TEAD1: variants seen among roughly 807,000 people sequenced by gnomAD.
The protein encoded by TEAD1 is TEA domain transcription factor 1.
In TEAD1, 9 loss-of-function variants were observed where a neutral mutation model predicts 54.9. The ratio of observed to expected loss-of-function variants is 0.16; its 90% CI spans 0.10 to 0.29. The LOEUF (loss-of-function observed/expected upper bound fraction) is 0.29, where lower values mean the gene tolerates loss of function less well. Among genes scored for constraint, TEAD1 ranks in the 10% least tolerant of loss-of-function variants. The pLI, the probability that TEAD1 is intolerant of heterozygous loss-of-function variation, is 1.00. For synonymous variants in TEAD1, 200 were observed against 187.8 expected (o/e 1.07, Z -0.53); for missense variants, 387 against 535.9 (o/e 0.72, Z 2.74).
intron 3 of TEAD1, among the ~76,000 whole-genome samples, chr11:12,784,868 C>A (rs1211697170): frequency 6.6e-6 from 1 of 152,194 alleles, no homozygotes; most frequent in Non-Finnish European, 1.5e-5. Context: ...AGGCTTTAGC[C>A]ACCCATGTTA....
rs77351070 is a variant in TEAD1, at chr11:12,752,731, A to C, written c.-54-11448A>C. Among the ~76,000 whole-genome samples the C allele has an allele frequency of 1.2e-3, 188 of 152,304 alleles. 3 individuals are homozygous for C. The East Asian group carries it at 0.031, about 25-fold the overall frequency. ...GAGCTCATGAGATACAAGTAGTGTG[A>C]CTGAACAACTGAATTTTTAATCTTA... On this transcript the variant is annotated intron_variant, in intron 2 of 12. Transcript: ENST00000527636.
intron 4 of TEAD1, among the ~76,000 whole-genome samples, chr11:12,862,961 T>G (rs960648078): frequency 4.0e-5 from 6 of 151,688 alleles, no homozygotes; most frequent in Admixed American, 1.3e-4. Flanking sequence ...ATCTCTGACA[T>G]GAGCCAGTTT....
chr11:12,727,852 T>A (rs1944344888), intron 2 of TEAD1, among the ~76,000 whole-genome samples: 1 of 152,214 alleles, frequency 6.6e-6, no homozygotes, highest in South Asian at 2.1e-4. Context: ...CCTTGTTCCT[T>A]GTTTTGTTTA....
intron 3 of TEAD1, among the ~76,000 whole-genome samples, chr11:12,814,795 G>C (rs1946381017): frequency 2.9e-5 from 1 of 35,046 alleles, no homozygotes; most frequent in Admixed American, 2.0e-4. Flanking sequence ...GTGTGTGTGT[G>C]TGTGTGTGTG....
intron 2 of TEAD1, among the ~76,000 whole-genome samples, chr11:12,743,762 C>T (rs935901024): frequency 5.3e-5 from 8 of 152,076 alleles, no homozygotes; most frequent in African/African-American, 7.2e-5. Context: ...TACCCATGAA[C>T]GGGGTGGTAT....
Position 12,707,544 on chromosome 11 carries a change from C to T in TEAD1, c.-55+31983C>T, listed in dbSNP as rs577914166. On this transcript the variant is annotated intron_variant, in intron 2 of 12. Coordinates refer to ENST00000527636, the MANE Select transcript of TEAD1 (RefSeq NM_021961.6). ...AGGCTCTGCCTATTTATTCTTCATG[C>T]CTTTGCAATTCTAACCTTTTAATTT... is the stretch of plus-strand genomic sequence containing the variant. Among the ~76,000 whole-genome samples the T allele has an allele frequency of 2.0e-5, 3 of 152,312 alleles. No individual in the cohort carries two copies. In the East Asian group the frequency reaches 5.8e-4, roughly 29 times the overall value.
intron 3 of TEAD1, among the ~76,000 whole-genome samples, chr11:12,841,766 C>T: frequency 6.6e-6 from 1 of 152,164 alleles, no homozygotes; most frequent in East Asian, 1.9e-4. Context: ...GTAGCTAGGG[C>T]TTATCGTGGT....
chr11:12,859,671 G>T (rs2134063997), intron 3 of TEAD1, among the ~76,000 whole-genome samples: 1 of 152,320 alleles, frequency 6.6e-6, no homozygotes, highest in Non-Finnish European at 1.5e-5. Context: ...AGAGGTTCTT[G>T]TCCTGTGGTA....
At chr11:12,730,469 T>G (rs1944400624) in intron 2 of TEAD1, among the ~76,000 whole-genome samples, 1 of 146,636 alleles carries the variant, frequency 6.8e-6, no homozygotes, top group Non-Finnish European at 1.5e-5. Context: ...TTGGCTCCAG[T>G]TTGGTGAGAG....
At chr11:12,798,795 G>A (rs971015492) in intron 3 of TEAD1, among the ~76,000 whole-genome samples, 8 of 152,246 alleles carry the variant, frequency 5.3e-5, no homozygotes, top group Non-Finnish European at 1.0e-4. Context: ...AAAGGAGCAT[G>A]CATTTCTGTG....
rs544307085 is a variant in TEAD1 at position 12,891,106 on chromosome 11, G to A, written c.699+7981G>A. Among the ~76,000 whole-genome samples, 46 of 152,292 alleles carry A rather than the reference G, an allele frequency of 3.0e-4. No homozygotes were observed. In the South Asian group the frequency reaches 9.5e-3, roughly 32 times the overall value. Reference sequence around the variant, plus strand: ...ATCAATTAAACTTTTCATAAAGGTAGTAAATTAATGTGGTCAAAAAATCTC... The same window carrying A: ...ATCAATTAAACTTTTCATAAAGGTAATAAATTAATGTGGTCAAAAAATCTC... On this transcript the variant is annotated intron_variant, in intron 9 of 12. Coordinates refer to ENST00000527636, the MANE Select transcript of TEAD1 (RefSeq NM_021961.6).
At chr11:12,765,433 C>G (rs1241821533) in intron 3 of TEAD1, among the ~76,000 whole-genome samples, 3 of 152,154 alleles carry the variant, frequency 2.0e-5, no homozygotes, top group Admixed American at 6.5e-5. Flanking sequence ...AGAACTGGCT[C>G]AGTATTTTAC....
Position 12,882,652 on chromosome 11 carries a change from C to T in TEAD1, c.575-349C>T, listed in dbSNP as rs150089557. On this transcript the variant is annotated intron_variant, in intron 8 of 12. Coordinates refer to ENST00000527636, the MANE Select transcript of TEAD1 (RefSeq NM_021961.6). ...AAACACAAGAAGTGCATGGCATGTT[C>T]GGGTCTCACAGGAAGTCTTTGGAAG... is the stretch of plus-strand genomic sequence containing the variant. Among the ~76,000 whole-genome samples, 1,025 of 152,292 alleles carry T rather than the reference C, an allele frequency of 6.7e-3. 8 individuals are homozygous for T. The highest frequency in any genetic ancestry group is 0.01 in the Middle Eastern group (3 of 294).
At chr11:12,913,895 G>A (rs1431045963) in intron 10 of TEAD1, among the ~76,000 whole-genome samples, 1 of 152,142 alleles carries the variant, frequency 6.6e-6, no homozygotes, top group Non-Finnish European at 1.5e-5. Context: ...ACCATAAAAA[G>A]GTCCTGTTTC....
chr11:12,753,168 C>A (rs1273672581), intron 2 of TEAD1, among the ~76,000 whole-genome samples: 1 of 152,098 alleles, frequency 6.6e-6, no homozygotes, highest in Non-Finnish European at 1.5e-5. Flanking sequence ...TTTATATGTC[C>A]TATTGTTAAT....
At chr11:12,694,813 C>T (rs1430402081) in intron 2 of TEAD1, among the ~76,000 whole-genome samples, 1 of 152,178 alleles carries the variant, frequency 6.6e-6, no homozygotes, top group Non-Finnish European at 1.5e-5. Flanking sequence ...CCTTCTCCCC[C>T]CTACTGTAGG....
intron 3 of TEAD1, among the ~76,000 whole-genome samples, chr11:12,786,040 G>C (rs2133954877): frequency 6.6e-6 from 1 of 152,270 alleles, no homozygotes; most frequent in East Asian, 1.9e-4. Context: ...CTGCCTTGGA[G>C]GTGGAGGGGA....
At chr11:12,688,724 C>T (rs1943387673) in intron 2 of TEAD1, among the ~76,000 whole-genome samples, 1 of 152,192 alleles carries the variant, frequency 6.6e-6, no homozygotes, top group Non-Finnish European at 1.5e-5. Context: ...GTTTCCTCCT[C>T]TGCAAAATGG....
intron 10 of TEAD1, among the ~76,000 whole-genome samples, chr11:12,910,627 C>T (rs1398963418): frequency 6.6e-6 from 1 of 151,820 alleles, no homozygotes; most frequent in Non-Finnish European, 1.5e-5. Flanking sequence ...TTAGTCATAT[C>T]TTAGAAACCA....
Sources: allele counts gnomAD v4.1 joint callset (sites outside exome capture counted in the v4.1 genomes callset), GRCh38; gene constraint gnomAD v4.1.1; transcripts MANE v1.5; gene names NCBI Gene and HGNC (gene_info 2026-07-23, HGNC 2026-07-21).